KPNA2: variants seen among roughly 807,000 people sequenced by gnomAD.
KPNA2 encodes karyopherin subunit alpha 2.
KPNA2 carries 20 observed loss-of-function variants against 53.7 expected under a neutral mutation model. The observed-to-expected ratio is 0.37, with a 90% CI of 0.26 to 0.54. The LOEUF is 0.54. Ranked by LOEUF, KPNA2 falls within the 20% of genes least tolerant of loss-of-function variation. KPNA2 has a pLI of 0.83. For synonymous variants in KPNA2, 238 were observed against 227.5 expected (o/e 1.05, Z -0.42); for missense variants, 515 against 640.3 (o/e 0.80, Z 2.11).
intron 3 of KPNA2, among the ~76,000 whole-genome samples, chr17:68,037,797 T>C (rs1860832960): frequency 6.6e-6 from 1 of 151,698 alleles, no homozygotes; most frequent in South Asian, 2.1e-4. Context: ...GGTTTATTTC[T>C]TCTTTTTTTT....
intron 3 of KPNA2, among the ~76,000 whole-genome samples, chr17:68,039,771 A>G (rs1380779490): frequency 7.6e-6 from 1 of 131,226 alleles, no homozygotes; most frequent in African/African-American, 2.9e-5. Context: ...GAAGAGCAAA[A>G]CTCTGTCTCC....
chr17:68,039,440 T>C lies in KPNA2; in HGVS notation c.214-1238T>C, dbSNP rs886440830. On this transcript the variant is annotated intron_variant, in intron 3 of 10. Transcript: ENST00000330459. Reference sequence around the variant, plus strand: ...CCAGCCAAACATAAACCATTTATATTTGCAGCAACACTTAACCGTGGAAAT... The same window carrying C: ...CCAGCCAAACATAAACCATTTATATCTGCAGCAACACTTAACCGTGGAAAT... 9.9e-5 allele frequency among the ~76,000 whole-genome samples: 15 copies of C among 151,810 alleles called. No individual in the cohort carries two copies. The South Asian group carries it at 2.7e-3, about 27-fold the overall frequency.
intron 5 of KPNA2, 71 bp from the exon 6 acceptor site, chr17:68,042,834 A>T (rs1055329246): frequency 8.2e-7 from 1 of 1,224,392 alleles, no homozygotes; most frequent in Non-Finnish European, 1.2e-6. Flanking sequence ...ACTGCACTCC[A>T]GCCTGGGCGA....
chr17:68,045,227 TCTG>T (rs1555705251), intron 9 of KPNA2, among the ~76,000 whole-genome samples: 1 of 152,110 alleles, frequency 6.6e-6, no homozygotes, highest in Non-Finnish European at 1.5e-5. Context: ...TTGAAGCAAA[TCTG>T]TTTTTTTCAT....
intron 4 of KPNA2, among the ~76,000 whole-genome samples, chr17:68,041,606 G>A (rs782035028): frequency 1.3e-5 from 2 of 151,978 alleles, no homozygotes; most frequent in Non-Finnish European, 2.9e-5. Flanking sequence ...CACACTTGTC[G>A]TCCCAGCTAC....
chr17:68,040,844 A>G (rs1329945981), intron 4 of KPNA2, 78 bp downstream of exon 4: 4 of 841,234 alleles, frequency 4.8e-6, no homozygotes, highest in Non-Finnish European at 8.2e-6. Flanking sequence ...TGGGGCAGGA[A>G]GGGACAGACA....
At chr17:68,040,828 G>T (rs144334763) in intron 4 of KPNA2, 62 bp downstream of exon 4, 4 of 710,764 alleles carry the variant, frequency 5.6e-6, no homozygotes, top group African/African-American at 3.6e-5. Flanking sequence ...ATTTTTTTTT[G>T]GGGGGTGGGG....
chr17:68,037,339 C>T lies in KPNA2; in HGVS notation c.76-19C>T, dbSNP rs946614677. ...AAAACTGGTGTGATAGGTGAAACGG[C>T]ATGTTATCTTTTCTCAAGGAAATGA... On this transcript the variant is annotated intron_variant, in intron 2 of 10. Coordinates refer to ENST00000330459, the MANE Select transcript of KPNA2 (RefSeq NM_002266.4). The T allele has an allele frequency of 3.1e-6, 5 of 1,608,094 alleles. No homozygotes were observed. Among genetic ancestry groups the T allele is most frequent in the Non-Finnish European group, 4.2e-6 (5 of 1,178,010 alleles).
chr17:68,041,997 C>G (rs781802356), intron 4 of KPNA2, 88 bp from the exon 5 acceptor site: 20 of 1,170,250 alleles, frequency 1.7e-5, no homozygotes, highest in Non-Finnish European at 2.4e-5. Flanking sequence ...AAGTTCTAAA[C>G]TCTTGAATTG....
chr17:68,042,115 C>G lies in KPNA2; in HGVS notation c.333C>G (p.Pro111=). 2 of 1,613,922 alleles carry G rather than the reference C, an allele frequency of 1.2e-6. No homozygotes were observed. Among genetic ancestry groups the G allele is most frequent in the Non-Finnish European group, 1.7e-6 (2 of 1,179,782 alleles). ...TACTTTCCAGAGAAAAACAGCCCCC[C>G]ATAGACAACATAATCCGGGCTGGTT... The part of the protein sequence containing the change: ...RKLLSREKQP[P]IDNIIRAGLI... The change falls in exon 5 of 11, where the codon CCC becomes CCG. Residue 111 remains proline, a synonymous_variant. Transcript: ENST00000330459.
chr17:68,041,513 C>T (rs2071259762), intron 4 of KPNA2, among the ~76,000 whole-genome samples: 1 of 152,176 alleles, frequency 6.6e-6, no homozygotes, highest in Non-Finnish European at 1.5e-5. Context: ...GAGCTGAGAT[C>T]TTGCCACTGC....
At chr17:68,044,622 C>T in intron 9 of KPNA2, 119 bp downstream of exon 9, 1 of 772,814 alleles carries the variant, frequency 1.3e-6, no homozygotes, top group Non-Finnish European at 2.1e-6. Context: ...AATCAGAAAG[C>T]CTGTTTATGT....
intron 3 of KPNA2, among the ~76,000 whole-genome samples, chr17:68,038,621 C>T (rs947594213): frequency 1.3e-4 from 20 of 152,106 alleles, no homozygotes; most frequent in African/African-American, 4.8e-4. Flanking sequence ...ATTGCTTGAA[C>T]CTGGGAGGTG....
intron 2 of KPNA2, 61 bp downstream of exon 2, chr17:68,037,268 G>A (rs2071201100): frequency 5.1e-6 from 8 of 1,582,802 alleles, no homozygotes; most frequent in Non-Finnish European, 6.9e-6. Flanking sequence ...TTGGAAAGGG[G>A]TGAAAACTGA....
chr17:68,036,363 C>T (rs2071190214), intron 1 of KPNA2: 1 of 152,272 alleles, frequency 6.6e-6, no homozygotes, highest in Non-Finnish European at 1.5e-5. Flanking sequence ...AGCGCATTCA[C>T]TCCTAGTCTC....
intron 9 of KPNA2, 129 bp downstream of exon 9, chr17:68,044,632 TG>T: frequency 1.4e-6 from 1 of 720,364 alleles, no homozygotes; most frequent in Non-Finnish European, 2.4e-6. Context: ...CCTGTTTATG[TG>T]GCCACCCCTT....
rs1555705147 is a variant in KPNA2 at position 68,044,412 on chromosome 17, G to A, written c.1256G>A (p.Cys419Tyr). The stretch of plus-strand genomic sequence containing the variant: ...GAACAGATTGTGTACCTTGTTCACT[G>A]TGGCATAATAGAACCGTTGATGAAC... The part of the protein sequence containing the change: ...TVEQIVYLVH[C>Y]GIIEPLMNLL... Residue 419 changes from cysteine to tyrosine, a missense_variant, in exon 9 of 11, where the codon TGT becomes TAT. Physicochemically the swap from Cys to Tyr is radical, Grantham distance 194. Transcript: ENST00000330459. 8 of 1,613,886 alleles carry A rather than the reference G, an allele frequency of 5.0e-6. No individual in the cohort carries two copies. Among genetic ancestry groups the A allele is most frequent in the Non-Finnish European group, 6.8e-6 (8 of 1,179,734 alleles).
rs781875464 is a variant in KPNA2 at position 68,037,455 on chromosome 17, A to G, written c.173A>G (p.Asp58Gly). The G allele has an allele frequency of 6.2e-7, 1 of 1,614,050 alleles. No homozygotes were observed. The highest frequency in any genetic ancestry group is 8.5e-7 in the Non-Finnish European group (1 of 1,179,940). The part of the protein sequence containing the change: ...LKRRNVSSFP[D>G]DATSPLQENR... ...AGGAGAAATGTAAGCTCATTTCCTG[A>G]TGATGCTACTTCTCCGCTGCAGGAA... The change falls in exon 3 of 11, where the codon GAT becomes GGT. Residue 58 changes from aspartate to glycine, a missense_variant. Transcript: ENST00000330459.
In KPNA2 at chr17:68,045,788, G is replaced by A. The variant is rs782723282; in HGVS notation, c.1364G>A (p.Gly455Asp). Reference protein sequence around the residue: ...SNIFQAAEKLGETEKLSIMIE... With the variant: ...SNIFQAAEKLDETEKLSIMIE... ...TTTTTTTAGGCTGCTGAGAAACTAGGTGAAACTGAGAAACTTAGTATAATG... is the reference window on the plus strand; with the variant it reads ...TTTTTTTAGGCTGCTGAGAAACTAGATGAAACTGAGAAACTTAGTATAATG... Residue 455 changes from glycine to aspartate, a missense_variant, in exon 10 of 11, where the codon GGT (glycine) becomes GAT (aspartate). Physicochemically the swap from Gly to Asp is moderately conservative, Grantham distance 94. Coordinates refer to ENST00000330459, the MANE Select transcript of KPNA2 (RefSeq NM_002266.4). The A allele has an allele frequency of 1.9e-6, 3 of 1,580,714 alleles. No individual in the cohort carries two copies. The highest frequency in any genetic ancestry group is 2.6e-6 in the Non-Finnish European group (3 of 1,168,260).
Sources: gnomAD v4.1 joint callset for allele counts (sites outside exome capture counted in the v4.1 genomes callset) on GRCh38, gnomAD v4.1.1 for gene constraint, MANE v1.5 for transcripts, NCBI Gene and HGNC (gene_info 2026-07-23, HGNC 2026-07-21) for gene names.